EDARADD: variants seen among roughly 807,000 people sequenced by gnomAD.
The protein encoded by EDARADD is EDAR associated via death domain.
In EDARADD, 20 loss-of-function variants were observed where a neutral mutation model predicts 25.6. That is an observed-to-expected ratio of 0.78 (90% CI 0.55 to 1.14). EDARADD has a LOEUF of 1.14. Among genes scored for constraint, EDARADD ranks in the 50% most tolerant of loss-of-function variants. The pLI, the probability that EDARADD is intolerant of heterozygous loss-of-function variation, is 0.00. For synonymous variants in EDARADD, 86 were observed against 94.4 expected (o/e 0.91, Z 0.52); for missense variants, 225 against 270.1 (o/e 0.83, Z 1.17).
At chr1:236,371,972 T>C (rs1032122009) in intron 3 of EDARADD, among the ~76,000 whole-genome samples, 1 of 152,054 alleles carries the variant, frequency 6.6e-6, no homozygotes, top group Admixed American at 6.6e-5. Flanking sequence ...TTTATTTTTT[T>C]GAGATGGAGT....
At chr1:236,442,735 T>C (rs1206778677) in intron 4 of EDARADD, among the ~76,000 whole-genome samples, 1 of 152,234 alleles carries the variant, frequency 6.6e-6, no homozygotes, top group Non-Finnish European at 1.5e-5. Flanking sequence ...ATAAAAAAGA[T>C]TCCTTTCAAC....
intron 3 of EDARADD, among the ~76,000 whole-genome samples, chr1:236,384,922 T>C (rs1436722208): frequency 6.6e-6 from 1 of 152,090 alleles, no homozygotes; most frequent in Non-Finnish European, 1.5e-5. Context: ...GAAAAAATGC[T>C]TTAAAATTTG....
chr1:236,478,288 A>G (rs1443533436), intron 5 of EDARADD, among the ~76,000 whole-genome samples: 1 of 151,862 alleles, frequency 6.6e-6, no homozygotes, highest in African/African-American at 2.4e-5. Flanking sequence ...TATGCATCAC[A>G]TCTTCACTCA....
chr1:236,451,890 C>T (rs1452823328), intron 4 of EDARADD, among the ~76,000 whole-genome samples: 2 of 152,150 alleles, frequency 1.3e-5, no homozygotes, highest in Non-Finnish European at 2.9e-5. Context: ...TACACCTCCC[C>T]CCAGCAGCCA....
intron 1 of EDARADD, among the ~76,000 whole-genome samples, chr1:236,402,031 G>T (rs939347451): frequency 6.6e-6 from 1 of 151,988 alleles, no homozygotes; most frequent in Non-Finnish European, 1.5e-5. Context: ...GTGCTGTCTC[G>T]GCTCACTGCA....
Position 236,482,915 on chromosome 1 carries a change from A to T in EDARADD, c.*266A>T, listed in dbSNP as rs1343921351. 1.6e-6 allele frequency: 1 copy of T among 610,746 alleles called. No homozygotes were observed. The highest frequency in any genetic ancestry group is 3.0e-5 in the Admixed American group (1 of 33,720). The allele number at this position is 610,746 out of a possible 1,614,324, so 37.8% of individuals were successfully genotyped here. The stretch of plus-strand genomic sequence containing the variant: ...AGTATCCTCTAAGGGCCAAAGTCCT[A>T]CAATCGGAATGGATTCATGCCACGT... On this transcript the variant is annotated 3_prime_UTR_variant, in exon 6 of 6. Coordinates refer to ENST00000334232, the MANE Select transcript of EDARADD (RefSeq NM_145861.4).
At chr1:236,390,179 C>G (rs1300036600), upstream of EDARADD, among the ~76,000 whole-genome samples, 13 of 152,040 alleles carry the variant, frequency 8.6e-5, no homozygotes, top group Non-Finnish European at 1.6e-4. Context: ...TGGGAGGGGG[C>G]AAGGGATAAA....
intron 5 of EDARADD, among the ~76,000 whole-genome samples, chr1:236,480,133 A>ATATATCTATC (rs1553271650): frequency 1.4e-5 from 2 of 142,090 alleles, no homozygotes; most frequent in African/African-American, 5.3e-5. Context: ...ATATATATAT[A>ATATATCTATC]TATCACATTT....
At chr1:236,351,060 G>A (rs985164180) in intron 3 of EDARADD, among the ~76,000 whole-genome samples, 2 of 151,696 alleles carry the variant, frequency 1.3e-5, no homozygotes, top group Non-Finnish European at 2.9e-5. Flanking sequence ...GATTGCTGGA[G>A]CCCAGGAATT....
chr1:236,483,887 C>A lies in EDARADD; in HGVS notation c.*1238C>A. The A allele has an allele frequency of 7.2e-7, 1 of 1,380,010 alleles. No homozygotes were observed. The highest frequency in any genetic ancestry group is 1.0e-6 in the Non-Finnish European group (1 of 969,256). 85.5% of individuals were successfully genotyped at this position (1,380,010 alleles called of 1,614,324 possible). On this transcript the variant is annotated 3_prime_UTR_variant, in exon 6 of 6. Transcript: ENST00000334232. ...AAGCTGGCTACACTGATAAGGTGAT[C>A]GTCAGCATGGACGTAGAGGCCTCCG... is the stretch of plus-strand genomic sequence containing the variant.
chr1:236,445,472 C>G (rs1658511018), intron 4 of EDARADD, among the ~76,000 whole-genome samples: 1 of 152,138 alleles, frequency 6.6e-6, no homozygotes, highest in African/African-American at 2.4e-5. Context: ...AGGTGATCTG[C>G]CTGTCTTGGA....
At chr1:236,446,940 A>G (rs531146832) in intron 4 of EDARADD, among the ~76,000 whole-genome samples, 1 of 152,124 alleles carries the variant, frequency 6.6e-6, no homozygotes, top group Non-Finnish European at 1.5e-5. Context: ...TACTGCTCAG[A>G]GTGCTGAGAT....
chr1:236,482,128 AAAAG>A (rs1302272702), intron 5 of EDARADD, 135 bp from the exon 6 acceptor site: 7 of 1,078,960 alleles, frequency 6.5e-6, no homozygotes, highest in African/African-American at 6.4e-5. Flanking sequence ...AAAAAAAAAA[AAAAG>A]AAAGAAACGA....
chr1:236,377,838 C>T (rs1214533080), intron 3 of EDARADD, among the ~76,000 whole-genome samples: 2 of 151,478 alleles, frequency 1.3e-5, no homozygotes, highest in Non-Finnish European at 2.9e-5. Flanking sequence ...AGCCTCACGA[C>T]AGAGTGAGAC....
intron 2 of EDARADD, among the ~76,000 whole-genome samples, chr1:236,349,486 A>G (rs1224596805): frequency 6.7e-6 from 1 of 149,396 alleles, no homozygotes; most frequent in East Asian, 2.0e-4. Flanking sequence ...AATCAAATAC[A>G]TTTAAGAAAT....
intron 3 of EDARADD, among the ~76,000 whole-genome samples, chr1:236,385,343 A>G (rs1281260903): frequency 1.0e-4 from 15 of 144,090 alleles, no homozygotes; most frequent in Admixed American, 2.9e-4. Context: ...CGGGAGGTGG[A>G]GCTTGCAGTG....
intron 3 of EDARADD, among the ~76,000 whole-genome samples, chr1:236,351,384 C>T (rs551887202): frequency 1.3e-5 from 2 of 152,110 alleles, no homozygotes; most frequent in Admixed American, 6.5e-5. Context: ...TGACCGTGGC[C>T]GGTGTCCAGG....
At chr1:236,450,592 A>G (rs924224804) in intron 4 of EDARADD, among the ~76,000 whole-genome samples, 2 of 118,648 alleles carry the variant, frequency 1.7e-5, no homozygotes, top group Non-Finnish European at 1.6e-5. Context: ...TCTGTGGCCC[A>G]GGCTGGAGTG....
chr1:236,440,285 T>C (rs1197241361), intron 4 of EDARADD, among the ~76,000 whole-genome samples: 2 of 152,220 alleles, frequency 1.3e-5, no homozygotes, highest in Non-Finnish European at 2.9e-5. Context: ...CCAGTAAGTC[T>C]TAAAGTTGGG....
Sources: allele counts gnomAD v4.1 joint callset (sites outside exome capture counted in the v4.1 genomes callset), GRCh38; gene constraint gnomAD v4.1.1; transcripts MANE v1.5; gene names NCBI Gene and HGNC (gene_info 2026-07-23, HGNC 2026-07-21).